BMAL2: variants seen among roughly 807,000 people sequenced by gnomAD.
The protein encoded by BMAL2 is basic helix-loop-helix ARNT-like protein 2.
At chr12:27,400,823 G>A in the BMAL2 span, 3 of 1,481,620 alleles carry the variant, frequency 2.0e-6, no homozygotes, top group South Asian at 4.3e-5. Flanking sequence ...GATATTTGAA[G>A]CTATTAAAGG....
chr12:27,358,744 A>T, the BMAL2 span, among the ~76,000 whole-genome samples: 2 of 152,174 alleles, frequency 1.3e-5, no homozygotes, highest in African/African-American at 4.8e-5. Flanking sequence ...CTATGCACTT[A>T]TACATGCACA....
chr12:27,342,124 G>C, the BMAL2 span, among the ~76,000 whole-genome samples: 1 of 151,974 alleles, frequency 6.6e-6, no homozygotes, highest in East Asian at 1.9e-4. Flanking sequence ...TTTTAGTAGA[G>C]ACGTGGTTTC....
At chr12:27,416,067 G>T in the BMAL2 span, 12 of 683,464 alleles carry the variant, frequency 1.8e-5, no homozygotes, top group Non-Finnish European at 2.9e-5. Flanking sequence ...AACCCATTTT[G>T]ATCACTCAGT....
chr12:27,353,658 T>A, the BMAL2 span, among the ~76,000 whole-genome samples: 1 of 151,814 alleles, frequency 6.6e-6, no homozygotes, highest in Admixed American at 6.6e-5. Flanking sequence ...GGAGAAAATA[T>A]TTGAAAATGA....
At chr12:27,353,168 G>A in the BMAL2 span, among the ~76,000 whole-genome samples, 1 of 152,030 alleles carries the variant, frequency 6.6e-6, no homozygotes, top group South Asian at 2.1e-4. Context: ...CACACTACCC[G>A]ACTTCAAACT....
At chr12:27,345,885 C>A in the BMAL2 span, among the ~76,000 whole-genome samples, 1 of 152,126 alleles carries the variant, frequency 6.6e-6, no homozygotes, top group African/African-American at 2.4e-5. Context: ...AGGATTTTCT[C>A]CAAATGTTTT....
chr12:27,387,230 T>G, the BMAL2 span: 1 of 1,606,810 alleles, frequency 6.2e-7, no homozygotes, highest in Non-Finnish European at 8.5e-7. Flanking sequence ...AATCCTAGAC[T>G]GCAGAAGGCT....
chr12:27,407,350 A>T, the BMAL2 span, among the ~76,000 whole-genome samples: 37 of 152,136 alleles, frequency 2.4e-4, no homozygotes, highest in Non-Finnish European at 5.1e-4. Flanking sequence ...GAAGTAAAGC[A>T]CTCCTCAGCA....
At chr12:27,347,020 C>T in the BMAL2 span, among the ~76,000 whole-genome samples, 1 of 152,204 alleles carries the variant, frequency 6.6e-6, no homozygotes. Flanking sequence ...TTACCTTCCA[C>T]CTTGAGTGGA....
chr12:27,414,554 C>G, the BMAL2 span, among the ~76,000 whole-genome samples: 1 of 151,246 alleles, frequency 6.6e-6, no homozygotes, highest in Non-Finnish European at 1.5e-5. Context: ...CCTGAACAAC[C>G]AGTGGGTCAA....
chr12:27,401,344 G>T, the BMAL2 span: 1 of 1,613,946 alleles, frequency 6.2e-7, no homozygotes, highest in South Asian at 1.1e-5. Context: ...ACAATAATTT[G>T]ACTGACAAGC....
chr12:27,347,921 T>C, the BMAL2 span, among the ~76,000 whole-genome samples: 3 of 152,218 alleles, frequency 2.0e-5, no homozygotes, highest in Non-Finnish European at 4.4e-5. Context: ...TACTGTTGCA[T>C]TGAGCAATCC....
At chr12:27,393,255 C>G in the BMAL2 span, among the ~76,000 whole-genome samples, 1 of 152,194 alleles carries the variant, frequency 6.6e-6, no homozygotes, top group Non-Finnish European at 1.5e-5. Context: ...TGAACTCCTC[C>G]CTGATATTCA....
At chr12:27,420,490 G>A in the BMAL2 span, 1 of 1,612,930 alleles carries the variant, frequency 6.2e-7, no homozygotes, top group Non-Finnish European at 8.5e-7. Flanking sequence ...AGGGGGGCCT[G>A]GGAGACCCTG....
At chr12:27,403,598 C>A in the BMAL2 span, 3 of 1,114,594 alleles carry the variant, frequency 2.7e-6, no homozygotes, top group Non-Finnish European at 2.6e-6. Flanking sequence ...TTTATAAAAT[C>A]AATATACAAA....
the BMAL2 span, among the ~76,000 whole-genome samples, chr12:27,419,784 A>G: frequency 6.6e-6 from 1 of 152,308 alleles, no homozygotes; most frequent in South Asian, 2.1e-4. Context: ...ACCTTTGGTT[A>G]GTCTTTATCT....
At chr12:27,359,788 T>C in the BMAL2 span, among the ~76,000 whole-genome samples, 1 of 152,158 alleles carries the variant, frequency 6.6e-6, no homozygotes, top group Admixed American at 6.5e-5. Flanking sequence ...TTGGAACATA[T>C]AGCCTTATGG....
At chr12:27,410,172 T>C in the BMAL2 span, among the ~76,000 whole-genome samples, 1 of 152,096 alleles carries the variant, frequency 6.6e-6, no homozygotes, top group African/African-American at 2.4e-5. Context: ...TCAACCATTG[T>C]GGAAGTCAGT....
the BMAL2 span, chr12:27,415,915 AT>A: frequency 1.2e-6 from 2 of 1,607,654 alleles, no homozygotes; most frequent in South Asian, 2.2e-5. Context: ...AACAGGTTTA[AT>A]GAAAGATACT....
Sources: gnomAD v4.1 joint callset for allele counts (sites outside exome capture counted in the v4.1 genomes callset) on GRCh38, gnomAD v4.1.1 for gene constraint, MANE v1.5 for transcripts, NCBI Gene and HGNC (gene_info 2026-07-23, HGNC 2026-07-21) for gene names.